The following NF1 variants were observed in gnomAD, a reference collection of about 807,000 sequenced individuals.
NF1 encodes the protein neurofibromin 1, also known as neurofibromin.
A neutral mutation model predicts 325.7 loss-of-function variants in NF1; 122 were observed. The ratio of observed to expected loss-of-function variants is 0.37; its 90% CI spans 0.32 to 0.44. NF1 has a LOEUF of 0.44. Ranked by LOEUF, NF1 falls within the 20% of genes least tolerant of loss-of-function variation. The pLI, the probability that NF1 is intolerant of heterozygous loss-of-function variation, is 1.00. For missense variants in NF1, 2,140 were observed against 3,415.4 expected, an observed-to-expected ratio of 0.63 and a Z score of 9.31; for synonymous variants, 1,091 against 1,186.0, an observed-to-expected ratio of 0.92 and a Z score of 1.65.
rs878853874 is a variant in NF1 at position 31,227,515 on chromosome 17, C to T, written c.2326-8C>T. On this transcript the variant is annotated splice_polypyrimidine_tract_variant and splice_region_variant and intron_variant, in intron 19 of 57. Coordinates refer to ENST00000358273, the MANE Select transcript of NF1 (RefSeq NM_001042492.3). ...GTTGCTTTCAAGTGATAATTGCCTT[C>T]ATTTTAGGCTTGGGAAGATACACAT... 1 of 1,613,574 alleles carries T rather than the reference C, an allele frequency of 6.2e-7. No individual in the cohort carries two copies. Among genetic ancestry groups the T allele is most frequent in the Non-Finnish European group, 8.5e-7 (1 of 1,179,664 alleles).
At chr17:31,162,441 CATAGA>C (rs1311417510) in intron 3 of NF1, among the ~76,000 whole-genome samples, 1 of 152,196 alleles carries the variant, frequency 6.6e-6, no homozygotes, top group Non-Finnish European at 1.5e-5. Flanking sequence ...TGCGCCCTTG[CATAGA>C]ATAGTGAAAC....
chr17:31,141,765 A>G (rs1014079224), intron 1 of NF1, among the ~76,000 whole-genome samples: 5 of 152,098 alleles, frequency 3.3e-5, no homozygotes, highest in African/African-American at 1.2e-4. Context: ...GGCTGGGGCT[A>G]TATCATCTGA....
At position 31,357,945 on chromosome 17, in the gene NF1, A is replaced by G. The variant is rs960874811; in HGVS notation, c.7971-535A>G. 3 of 163,676 alleles carry G rather than the reference A, an allele frequency of 1.8e-5. 1 individual carries two copies. Among genetic ancestry groups the G allele is most frequent in the African/African-American group, 7.2e-5 (3 of 41,496 alleles). 10.1% of individuals were successfully genotyped at this position (163,676 alleles called of 1,614,324 possible). On this transcript the variant is annotated intron_variant, in intron 54 of 57. Coordinates refer to ENST00000358273, the MANE Select transcript of NF1 (RefSeq NM_001042492.3). ...TTTATTAATGGAGTGTAGCCGGGTT[A>G]GAAATAATTTTTTTCCTAAGTTTCA...
Position 31,229,936 on chromosome 17 carries a change from G to A in NF1, c.2952G>A (p.Gly984=), listed in dbSNP as rs779284164. The change falls in exon 22 of 58, where the codon GGG becomes GGA. Residue 984 remains glycine (G), a synonymous_variant. Transcript: ENST00000358273. ...NHTEGSSEHL[G]QASIETMMLN... Reference sequence around the variant, plus strand: ...CTGAAGGCAGCTCTGAACATCTAGGGCAAGCTAGCATTGAAACAATGATGT... The same window carrying A: ...CTGAAGGCAGCTCTGAACATCTAGGACAAGCTAGCATTGAAACAATGATGT... 1 of 1,611,802 alleles carries A rather than the reference G, an allele frequency of 6.2e-7. No homozygotes were observed. The highest frequency in any genetic ancestry group is 8.5e-7 in the Non-Finnish European group (1 of 1,179,734).
chr17:31,186,387 C>T (rs540591608), intron 8 of NF1, among the ~76,000 whole-genome samples: 1 of 152,144 alleles, frequency 6.6e-6, no homozygotes, highest in African/African-American at 2.4e-5. Context: ...CTAGGACATC[C>T]CTGAAGCATA....
chr17:31,182,094 G>A (rs945717002), intron 7 of NF1, among the ~76,000 whole-genome samples: 1 of 152,146 alleles, frequency 6.6e-6, no homozygotes, highest in Non-Finnish European at 1.5e-5. Context: ...TTTGTATTTA[G>A]GGAGATGTGT....
chr17:31,372,988 C>A (rs1378310342), intron 57 of NF1, among the ~76,000 whole-genome samples: 1 of 152,178 alleles, frequency 6.6e-6, no homozygotes, highest in Non-Finnish European at 1.5e-5. Flanking sequence ...TGCACTGCAG[C>A]CTGTGCAACA....
chr17:31,290,321 G>A (rs899555777), intron 36 of NF1, among the ~76,000 whole-genome samples: 10 of 151,620 alleles, frequency 6.6e-5, no homozygotes, highest in African/African-American at 2.4e-4. Context: ...CTTTCACTTT[G>A]TCAGTGTATC....
chr17:31,241,851 T>A (rs1260555534), intron 29 of NF1, among the ~76,000 whole-genome samples: 1 of 152,190 alleles, frequency 6.6e-6, no homozygotes, highest in Non-Finnish European at 1.5e-5. Context: ...TACCTTCAGA[T>A]TTCTTATTGC....
intron 1 of NF1, chr17:31,136,978 A>G (rs976378272): frequency 6.6e-6 from 1 of 152,180 alleles, no homozygotes; most frequent in African/African-American, 2.4e-5. Flanking sequence ...GATATATAGA[A>G]TTCTGGACAG....
chr17:31,222,144 T>A, intron 15 of NF1: 2 of 1,271,320 alleles, frequency 1.6e-6, no homozygotes, highest in Non-Finnish European at 2.0e-6. Flanking sequence ...TTAAGAATAG[T>A]GCTAAATTTT....
At chr17:31,189,020 G>A (rs936313237) in intron 8 of NF1, among the ~76,000 whole-genome samples, 9 of 152,110 alleles carry the variant, frequency 5.9e-5, no homozygotes, top group African/African-American at 1.4e-4. Flanking sequence ...GACTAATACA[G>A]TAGGGTGTTT....
intron 47 of NF1, among the ~76,000 whole-genome samples, chr17:31,341,715 A>C (rs190008724): frequency 6.5e-4 from 98 of 150,894 alleles, no homozygotes; most frequent in Non-Finnish European, 1.0e-3. Context: ...GCACGTGTGC[A>C]TGTGTGTGTG....
chr17:31,256,592 C>T (rs141519869), intron 31 of NF1, among the ~76,000 whole-genome samples: 1 of 152,280 alleles, frequency 6.6e-6, no homozygotes. Flanking sequence ...AGAGGTTCCT[C>T]GTCCCCAGAA....
intron 56 of NF1, 43 bp from the exon 57 acceptor site, chr17:31,360,444 T>G (rs764653417): frequency 6.4e-7 from 1 of 1,568,418 alleles, no homozygotes; most frequent in Non-Finnish European, 8.8e-7. Context: ...GGGGATTTAC[T>G]TAAAAAAAAG....
chr17:31,234,392 G>A (rs1013961857), intron 27 of NF1, among the ~76,000 whole-genome samples: 1 of 152,008 alleles, frequency 6.6e-6, no homozygotes, highest in African/African-American at 2.4e-5. Flanking sequence ...ATCAGTTAAG[G>A]GCCGGGTGTG....
At chr17:31,345,702 C>A in intron 48 of NF1, 1 of 1,614,214 alleles carries the variant, frequency 6.2e-7, no homozygotes, top group Admixed American at 1.7e-5. Flanking sequence ...AGAGAAAAGT[C>A]TTTTGGTTCC....
intron 51 of NF1, 31 bp from the exon 52 acceptor site, chr17:31,356,429 G>A: frequency 6.2e-7 from 1 of 1,606,294 alleles, no homozygotes; most frequent in Non-Finnish European, 8.5e-7. Context: ...TGTAGTTAAT[G>A]AACTTGCATA....
chr17:31,226,461 C>G lies in NF1; in HGVS notation c.2028C>G (p.Thr676=), dbSNP rs878853873. 6.2e-7 allele frequency: 1 copy of G among 1,613,660 alleles called. No homozygotes were observed. The highest frequency in any genetic ancestry group is 8.5e-7 in the Non-Finnish European group (1 of 1,179,768). The change falls in exon 18 of 58, where the codon ACC becomes ACG. Residue 676 remains threonine, a synonymous_variant. Coordinates refer to ENST00000358273, the MANE Select transcript of NF1 (RefSeq NM_001042492.3). The part of the protein sequence containing the change: ...SMDSAAGCSG[T]PPICRQAQTK... ...ATAGTGCAGCAGGATGCAGCGGAAC[C>G]CCCCCGATTTGCCGACAAGCCCAGA...
Sources: allele counts gnomAD v4.1 joint callset (sites outside exome capture counted in the v4.1 genomes callset), GRCh38; gene constraint gnomAD v4.1.1; transcripts MANE v1.5; gene names NCBI Gene and HGNC (gene_info 2026-07-23, HGNC 2026-07-21).